Variants in ANK2 observed in about 807,000 individuals in gnomAD.
The protein encoded by ANK2 is ankyrin 2, also known as ankyrin-2.
Under a neutral mutation model 360.5 loss-of-function variants are expected in ANK2, and 83 were observed. That is an observed-to-expected ratio of 0.23 (90% CI 0.19 to 0.28). The LOEUF is 0.28. Among genes scored for constraint, ANK2 ranks in the 10% least tolerant of loss-of-function variants. The pLI, the probability that ANK2 is intolerant of heterozygous loss-of-function variation, is 1.00. For synonymous variants in ANK2, 1,740 were observed against 1,759.5 expected, an observed-to-expected ratio of 0.99 and a Z score of 0.28; for missense variants, 4,201 against 4,795.7, an observed-to-expected ratio of 0.88 and a Z score of 3.66.
At chr4:112,801,639 G>A in the ANK2 span, among the ~76,000 whole-genome samples, 158 of 152,280 alleles carry the variant, frequency 1.0e-3, 2 homozygotes, top group Admixed American at 0.01. Flanking sequence ...TAAAGAAAAA[G>A]AAAAGTCTTT....
At chr4:112,915,697 G>GT (rs2089512137) in intron 2 of ANK2, among the ~76,000 whole-genome samples, 1 of 151,248 alleles carries the variant, frequency 6.6e-6, no homozygotes, top group Admixed American at 6.6e-5. Context: ...TGAGGCTGCA[G>GT]TAAGTCGAGA....
chr4:113,354,459 G>T lies in ANK2; in HGVS notation c.5841G>T (p.Lys1947Asn). The change falls in exon 38 of 46, where the codon AAG becomes AAT. Residue 1947 changes from lysine to asparagine, a missense_variant. By Grantham distance (94) the Lys-to-Asn change is moderately conservative. This residue lies in a region of ANK2 where 2,642 missense variants were observed against 2,714.5 expected (regional missense o/e 0.97). Transcript: ENST00000357077. ...TTTCACCCTCCGGAAGAACGGACAA[G>T]CACCAACCTGTATCAACAGCTGGGA... ...LPVSPSGRTDKHQPVSTAGKT... is the reference protein window; with the variant it reads ...LPVSPSGRTDNHQPVSTAGKT... 1 of 1,614,114 alleles carries T rather than the reference G, an allele frequency of 6.2e-7. No individual in the cohort carries two copies. The highest frequency in any genetic ancestry group is 2.2e-5 in the East Asian group (1 of 44,874).
intron 4 of ANK2, among the ~76,000 whole-genome samples, chr4:113,221,280 A>G (rs1352862084): frequency 6.6e-6 from 1 of 150,864 alleles, no homozygotes; most frequent in Admixed American, 6.6e-5. Flanking sequence ...CACAATATGT[A>G]TTAAAGGTTT....
chr4:113,004,296 A>G (rs1578810121), intron 2 of ANK2, among the ~76,000 whole-genome samples: 1 of 152,042 alleles, frequency 6.6e-6, no homozygotes, highest in African/African-American at 2.4e-5. Context: ...ATACAGATTC[A>G]TTGTACAATT....
intron 4 of ANK2, among the ~76,000 whole-genome samples, chr4:113,206,905 C>G (rs1226231358): frequency 6.6e-6 from 1 of 151,986 alleles, no homozygotes; most frequent in African/African-American, 2.4e-5. Flanking sequence ...GTGCTTGTAA[C>G]CCCAGCTACT....
chr4:113,137,215 G>A (rs928437560), intron 1 of ANK2, among the ~76,000 whole-genome samples: 5 of 152,214 alleles, frequency 3.3e-5, no homozygotes, highest in South Asian at 2.1e-4. Context: ...TGGCTAAGGC[G>A]CATGACAAAT....
intron 1 of ANK2, among the ~76,000 whole-genome samples, chr4:112,845,626 G>A (rs2063121849): frequency 6.6e-6 from 1 of 152,170 alleles, no homozygotes; most frequent in African/African-American, 2.4e-5. Context: ...GCAGGGATGT[G>A]ATAGATGGAA....
intron 2 of ANK2, among the ~76,000 whole-genome samples, chr4:112,979,420 A>G (rs1015387631): frequency 3.3e-5 from 5 of 152,220 alleles, no homozygotes; most frequent in African/African-American, 7.2e-5. Context: ...ATGGTGTCAC[A>G]GCCCTCGCTC....
chr4:112,802,102 A>T, the ANK2 span, among the ~76,000 whole-genome samples: 2 of 152,096 alleles, frequency 1.3e-5, no homozygotes, highest in African/African-American at 4.8e-5. Flanking sequence ...ACTAGGTGAG[A>T]TGGAGAAACA....
Position 113,197,306 on chromosome 4 carries a change from C to T in ANK2, c.285+840C>T, listed in dbSNP as rs544543319. On this transcript the variant is annotated intron_variant, in intron 3 of 45. Coordinates refer to ENST00000357077, the MANE Select transcript of ANK2 (RefSeq NM_001148.6). ...TAAAAGAAATGCACGGGACGCTTGG[C>T]AAACCAGAAACTGTTCCTTGATGCT... Among the ~76,000 whole-genome samples, 3 of 152,298 alleles carry T rather than the reference C, an allele frequency of 2.0e-5. No individual in the cohort carries two copies. The East Asian group carries it at 5.8e-4, about 29-fold the overall frequency.
chr4:113,229,125 G>A (rs967226450), intron 4 of ANK2, among the ~76,000 whole-genome samples: 4 of 152,230 alleles, frequency 2.6e-5, no homozygotes, highest in Admixed American at 2.0e-4. Context: ...TGAAAGGTGT[G>A]TATTACATAC....
At chr4:112,958,096 T>G (rs1279685051) in intron 2 of ANK2, among the ~76,000 whole-genome samples, 1 of 149,020 alleles carries the variant, frequency 6.7e-6, no homozygotes, top group African/African-American at 2.5e-5. Flanking sequence ...GCAGAGACGC[T>G]CCTCACTTTC....
chr4:113,349,287 TAA>T (rs2095230614), intron 36 of ANK2, among the ~76,000 whole-genome samples: 1 of 130,892 alleles, frequency 7.6e-6, no homozygotes, highest in Non-Finnish European at 1.5e-5. Flanking sequence ...TTGGAAAACT[TAA>T]AATAATATGT....
chr4:112,965,757 T>G (rs2036960480), intron 2 of ANK2, among the ~76,000 whole-genome samples: 1 of 152,180 alleles, frequency 6.6e-6, no homozygotes, highest in Admixed American at 6.5e-5. Context: ...CTTGGCACCT[T>G]TGTTGAAAAT....
chr4:113,049,861 G>T, intron 1 of ANK2, 49 bp downstream of exon 1: 3 of 1,595,902 alleles, frequency 1.9e-6, no homozygotes, highest in Non-Finnish European at 2.6e-6. Flanking sequence ...GTATGTGTGT[G>T]CATGTGTGAG....
chr4:112,812,018 T>G, the ANK2 span, among the ~76,000 whole-genome samples: 1 of 131,786 alleles, frequency 7.6e-6, no homozygotes, highest in African/African-American at 2.9e-5. Context: ...GAGGTTGCAG[T>G]GAGCCACGAT....
intron 1 of ANK2, among the ~76,000 whole-genome samples, chr4:113,161,093 T>C (rs1274387960): frequency 1.3e-5 from 2 of 152,226 alleles, no homozygotes; most frequent in African/African-American, 2.4e-5. Flanking sequence ...TTTAGTTCCA[T>C]GAGATGAATT....
At chr4:113,197,981 C>G (rs1004903498) in intron 3 of ANK2, among the ~76,000 whole-genome samples, 1 of 152,178 alleles carries the variant, frequency 6.6e-6, no homozygotes, top group African/African-American at 2.4e-5. Flanking sequence ...GAGGCTGCCA[C>G]TGTACAACCC....
chr4:113,049,947 C>T (rs1284098429), intron 1 of ANK2, 135 bp downstream of exon 1: 3 of 1,164,118 alleles, frequency 2.6e-6, no homozygotes, highest in African/African-American at 1.5e-5. Flanking sequence ...CCAAGCCTTG[C>T]TTTTTAAAGA....
Sources: gnomAD v4.1 joint callset for allele counts (sites outside exome capture counted in the v4.1 genomes callset) on GRCh38, gnomAD v4.1.1 for gene constraint, gnomAD v4.1.1 regional missense constraint, MANE v1.5 for transcripts, NCBI Gene and HGNC (gene_info 2026-07-23, HGNC 2026-07-21) for gene names.